Variants in PPARGC1A observed in about 807,000 individuals in gnomAD.
PPARGC1A encodes peroxisome proliferator-activated receptor gamma coactivator 1-alpha.
A neutral mutation model predicts 88.7 loss-of-function variants in PPARGC1A; 25 were observed. The ratio of observed to expected loss-of-function variants is 0.28; its 90% CI spans 0.21 to 0.39. PPARGC1A has a LOEUF of 0.39. Among genes scored for constraint, PPARGC1A ranks in the 10% least tolerant of loss-of-function variants. PPARGC1A has a pLI of 1.00. For missense variants in PPARGC1A, 880 were observed against 968.7 expected, an observed-to-expected ratio of 0.91 and a Z score of 1.22; for synonymous variants, 363 against 355.6, an observed-to-expected ratio of 1.02 and a Z score of -0.24.
At chr4:24,156,500 A>T in the PPARGC1A span, among the ~76,000 whole-genome samples, 2 of 152,122 alleles carry the variant, frequency 1.3e-5, no homozygotes, top group African/African-American at 4.8e-5. Flanking sequence ...GGTGGAGAAG[A>T]TCAATCACTC....
chr4:23,987,950 C>G, the PPARGC1A span, among the ~76,000 whole-genome samples: 1 of 151,890 alleles, frequency 6.6e-6, no homozygotes, highest in African/African-American at 2.4e-5. Context: ...GCCCACCCAC[C>G]CCCCAACAGG....
the PPARGC1A span, among the ~76,000 whole-genome samples, chr4:24,332,069 C>T: frequency 1.3e-5 from 2 of 151,934 alleles, no homozygotes; most frequent in Non-Finnish European, 2.9e-5. Context: ...CTTTGGTTGT[C>T]CAAACCATTT....
chr4:24,238,151 C>A, the PPARGC1A span, among the ~76,000 whole-genome samples: 5 of 152,144 alleles, frequency 3.3e-5, no homozygotes, highest in East Asian at 9.6e-4. Context: ...GGGCTCAGAG[C>A]TTGACTCTGC....
chr4:24,045,354 T>C, the PPARGC1A span, among the ~76,000 whole-genome samples: 1 of 152,156 alleles, frequency 6.6e-6, no homozygotes, highest in African/African-American at 2.4e-5. Context: ...TTTGGTACTG[T>C]CACATAAAAC....
chr4:24,210,496 G>C, the PPARGC1A span, among the ~76,000 whole-genome samples: 3 of 152,202 alleles, frequency 2.0e-5, no homozygotes, highest in African/African-American at 7.2e-5. Flanking sequence ...AATTTCAACA[G>C]TGATCTATCC....
chr4:24,301,525 T>A, the PPARGC1A span, among the ~76,000 whole-genome samples: 24 of 151,714 alleles, frequency 1.6e-4, no homozygotes, highest in Non-Finnish European at 1.3e-4. Context: ...TTGAGAGCGG[T>A]TACGGTCAGC....
the PPARGC1A span, among the ~76,000 whole-genome samples, chr4:24,289,522 A>C: frequency 6.6e-6 from 1 of 152,212 alleles, no homozygotes; most frequent in African/African-American, 2.4e-5. Context: ...TCCACATAGA[A>C]AATAACTTCA....
At chr4:24,243,492 C>T in the PPARGC1A span, among the ~76,000 whole-genome samples, 1 of 152,076 alleles carries the variant, frequency 6.6e-6, no homozygotes, top group African/African-American at 2.4e-5. Flanking sequence ...TGCTGTGGTG[C>T]AACTAGAAAA....
At chr4:24,052,631 C>T in the PPARGC1A span, among the ~76,000 whole-genome samples, 1 of 124,426 alleles carries the variant, frequency 8.0e-6, no homozygotes, top group East Asian at 2.3e-4. Context: ...AGTGAGATTA[C>T]ATCTCAGAAA....
At chr4:23,830,906 A>C (rs1724877528) in intron 3 of PPARGC1A, among the ~76,000 whole-genome samples, 1 of 152,228 alleles carries the variant, frequency 6.6e-6, no homozygotes, top group Non-Finnish European at 1.5e-5. Context: ...AACGTGCTAT[A>C]GTTTTTCAAT....
At chr4:23,922,605 G>A in the PPARGC1A span, among the ~76,000 whole-genome samples, 9 of 152,162 alleles carry the variant, frequency 5.9e-5, no homozygotes, top group Non-Finnish European at 1.2e-4. Context: ...AACTTTCTGG[G>A]TCTGAGGCGG....
At chr4:24,334,358 A>C in the PPARGC1A span, among the ~76,000 whole-genome samples, 3 of 152,194 alleles carry the variant, frequency 2.0e-5, no homozygotes, top group Admixed American at 6.5e-5. Flanking sequence ...AAATCACTAT[A>C]ATCTTCAGAA....
chr4:24,447,210 G>T, the PPARGC1A span, among the ~76,000 whole-genome samples: 1 of 152,170 alleles, frequency 6.6e-6, no homozygotes, highest in Admixed American at 6.5e-5. Context: ...AACAGAAGAT[G>T]GCTCTTCACA....
At chr4:24,020,307 G>T in the PPARGC1A span, among the ~76,000 whole-genome samples, 1 of 152,300 alleles carries the variant, frequency 6.6e-6, no homozygotes, top group East Asian at 1.9e-4. Context: ...TTGGAAGAAA[G>T]GCTCAATACG....
chr4:24,074,936 T>A, the PPARGC1A span, among the ~76,000 whole-genome samples: 1 of 152,198 alleles, frequency 6.6e-6, no homozygotes, highest in Non-Finnish European at 1.5e-5. Context: ...AGGCAGATCC[T>A]CTTTGTGCCC....
At chr4:23,978,107 C>T in the PPARGC1A span, among the ~76,000 whole-genome samples, 123 of 152,254 alleles carry the variant, frequency 8.1e-4, no homozygotes, top group Non-Finnish European at 1.6e-3. Flanking sequence ...CAATTTGCAT[C>T]CTTACTAGCT....
At chr4:24,009,712 C>T in the PPARGC1A span, among the ~76,000 whole-genome samples, 1 of 152,172 alleles carries the variant, frequency 6.6e-6, no homozygotes, top group Non-Finnish European at 1.5e-5. Context: ...TTTCAGAACA[C>T]AACAACATTG....
At chr4:24,067,732 C>T in the PPARGC1A span, among the ~76,000 whole-genome samples, 9 of 152,124 alleles carry the variant, frequency 5.9e-5, no homozygotes, top group Non-Finnish European at 1.3e-4. Context: ...GTTAGCAACT[C>T]TGCTCTGGAG....
the PPARGC1A span, among the ~76,000 whole-genome samples, chr4:24,300,706 A>G: frequency 6.6e-6 from 1 of 152,054 alleles, no homozygotes; most frequent in Non-Finnish European, 1.5e-5. Flanking sequence ...TGGATCACCA[A>G]CGTACCCAGT....
Sources: allele counts gnomAD v4.1 joint callset (sites outside exome capture counted in the v4.1 genomes callset), GRCh38; gene constraint gnomAD v4.1.1; transcripts MANE v1.5; gene names NCBI Gene and HGNC (gene_info 2026-07-23, HGNC 2026-07-21).